TMEM232: variants seen among roughly 807,000 people sequenced by gnomAD.
The protein encoded by TMEM232 is transmembrane protein 232.
A neutral mutation model predicts 78.8 loss-of-function variants in TMEM232; 80 were observed. That is an observed-to-expected ratio of 1.01 (90% CI 0.85 to 1.22). The LOEUF (loss-of-function observed/expected upper bound fraction) is 1.22, where lower values mean the gene tolerates loss of function less well. TMEM232 is among the 50% of genes most tolerant of loss of function. The pLI is 0.00. For synonymous variants in TMEM232, 297 were observed against 254.3 expected (o/e 1.17, Z -1.60); for missense variants, 881 against 742.2 (o/e 1.19, Z -2.17).
At chr5:110,719,186 C>CATGTATAT (rs1191217794) in intron 1 of TMEM232, among the ~76,000 whole-genome samples, 3 of 150,976 alleles carry the variant, frequency 2.0e-5, no homozygotes, top group African/African-American at 7.3e-5. Context: ...TATGTATATA[C>CATGTATAT]ATGTATATAT....
chr5:110,563,001 G>A (rs1775925688), intron 11 of TMEM232, among the ~76,000 whole-genome samples: 1 of 151,942 alleles, frequency 6.6e-6, no homozygotes, highest in African/African-American at 2.4e-5. Flanking sequence ...GATATTCAAT[G>A]CAAATTAAAC....
chr5:110,519,265 C>T (rs766727734), intron 12 of TMEM232, among the ~76,000 whole-genome samples: 4 of 152,036 alleles, frequency 2.6e-5, no homozygotes, highest in Admixed American at 6.5e-5. Context: ...AGAATGTAGC[C>T]GTACATGTGC....
intron 10 of TMEM232, among the ~76,000 whole-genome samples, chr5:110,579,067 C>T (rs1173513798): frequency 6.6e-6 from 1 of 151,508 alleles, no homozygotes; most frequent in African/African-American, 2.4e-5. Flanking sequence ...TTCTAGATAT[C>T]AAAAGTATAG....
chr5:110,643,287 C>A (rs1266117175), intron 2 of TMEM232, among the ~76,000 whole-genome samples: 1 of 151,824 alleles, frequency 6.6e-6, no homozygotes, highest in Non-Finnish European at 1.5e-5. Flanking sequence ...TCATGGCCAT[C>A]CAAGTGGAGA....
chr5:110,619,018 A>T (rs971332230), intron 7 of TMEM232, among the ~76,000 whole-genome samples: 1 of 152,206 alleles, frequency 6.6e-6, no homozygotes, highest in Non-Finnish European at 1.5e-5. Context: ...AATGTCTGTT[A>T]AGTAACTGTT....
intron 10 of TMEM232, among the ~76,000 whole-genome samples, chr5:110,580,735 A>AT (rs112634921): frequency 0.31 from 46,739 of 150,796 alleles, 9,377 homozygotes; most frequent in African/African-American, 0.58. Flanking sequence ...AAACAGGATA[A>AT]TTTTTTTTTC....
intron 11 of TMEM232, among the ~76,000 whole-genome samples, chr5:110,537,269 G>C (rs996584532): frequency 6.7e-6 from 1 of 150,254 alleles, no homozygotes; most frequent in Non-Finnish European, 1.5e-5. Context: ...ATAATCTAAA[G>C]AGAAAACTTA....
intron 1 of TMEM232, among the ~76,000 whole-genome samples, chr5:110,737,798 A>G (rs1036961508): frequency 3.3e-5 from 5 of 152,164 alleles, no homozygotes; most frequent in African/African-American, 1.2e-4. Flanking sequence ...TTGCCTTTCA[A>G]TTGTGATTAC....
intron 12 of TMEM232, among the ~76,000 whole-genome samples, chr5:110,465,428 G>A (rs1761969718): frequency 6.6e-6 from 1 of 152,178 alleles, no homozygotes; most frequent in South Asian, 2.1e-4. Context: ...TACCAGCCCT[G>A]AACTCAGGCT....
At chr5:110,679,552 T>C (rs954866704) in intron 1 of TMEM232, among the ~76,000 whole-genome samples, 2 of 152,216 alleles carry the variant, frequency 1.3e-5, no homozygotes, top group East Asian at 3.9e-4. Flanking sequence ...CAATTTTTTT[T>C]CATAGAACAT....
At chr5:110,535,169 G>GT (rs1234131018) in intron 11 of TMEM232, among the ~76,000 whole-genome samples, 1 of 152,090 alleles carries the variant, frequency 6.6e-6, no homozygotes, top group Non-Finnish European at 1.5e-5. Context: ...TGACCTGCCT[G>GT]TACACATCCA....
rs542616648 is a variant in TMEM232 at position 110,697,418 on chromosome 5, C to T, written c.-13+29209G>A. ...GACTTCATGTCTAAAACACCAAAAG[C>T]AATGGCAACAAAAGCCAAAATTGAC... On this transcript the variant is annotated intron_variant, in intron 1 of 13. Transcript: ENST00000455884. Among the ~76,000 whole-genome samples the T allele has an allele frequency of 3.3e-5, 5 of 152,286 alleles. No homozygotes were observed. The East Asian group carries it at 9.6e-4, about 29-fold the overall frequency.
chr5:110,493,716 G>A (rs1765351583), intron 12 of TMEM232, among the ~76,000 whole-genome samples: 1 of 151,938 alleles, frequency 6.6e-6, no homozygotes, highest in Admixed American at 6.6e-5. Flanking sequence ...AAGCTCTTGG[G>A]AAAAAGTACA....
At chr5:110,535,743 AATG>A (rs1772252622) in intron 11 of TMEM232, among the ~76,000 whole-genome samples, 1 of 152,184 alleles carries the variant, frequency 6.6e-6, no homozygotes, top group Admixed American at 6.5e-5. Flanking sequence ...GGACCAAAAA[AATG>A]ATGTCTTCTC....
intron 2 of TMEM232, among the ~76,000 whole-genome samples, chr5:110,654,316 T>G (rs1394003275): frequency 6.6e-6 from 1 of 152,240 alleles, no homozygotes; most frequent in Non-Finnish European, 1.5e-5. Context: ...CATCTTGAAT[T>G]AATTTTTATA....
intron 1 of TMEM232, among the ~76,000 whole-genome samples, chr5:110,669,545 C>T (rs1462262114): frequency 2.0e-5 from 3 of 152,150 alleles, no homozygotes; most frequent in African/African-American, 4.8e-5. Context: ...CAAATTCTAC[C>T]AGAGGTACAA....
At position 110,477,858 on chromosome 5, in the gene TMEM232, ATG is replaced by A. The variant is rs144970935; in HGVS notation, c.1703+50728_1703+50729del. ...GGGATTAATGTCTTCTACTCTGAAA[ATG>A]TAAGTTTTGCCTTTGGCTTGGTATT... On this transcript the variant is annotated intron_variant, in intron 12 of 13. Coordinates refer to ENST00000455884, the MANE Select transcript of TMEM232 (RefSeq NM_001039763.4). Among the ~76,000 whole-genome samples the A allele has an allele frequency of 9.5e-3, 1,440 of 152,074 alleles. 36 individuals are homozygous for A. The highest frequency in any genetic ancestry group is 0.032 in the African/African-American group (1,336 of 41,554).
chr5:110,538,599 AC>A (rs200178962), intron 11 of TMEM232, among the ~76,000 whole-genome samples: 2,185 of 152,310 alleles, frequency 0.014, 30 homozygotes, highest in Non-Finnish European at 0.02. Flanking sequence ...ATGTGAGGGC[AC>A]CAGTTACAAA....
intron 12 of TMEM232, among the ~76,000 whole-genome samples, chr5:110,475,292 CTG>C (rs1348623911): frequency 6.6e-6 from 1 of 151,842 alleles, no homozygotes; most frequent in Non-Finnish European, 1.5e-5. Flanking sequence ...GTGAAAGTAA[CTG>C]AGGCTGGATG....
Sources: gnomAD v4.1 joint callset for allele counts (sites outside exome capture counted in the v4.1 genomes callset) on GRCh38, gnomAD v4.1.1 for gene constraint, MANE v1.5 for transcripts, NCBI Gene and HGNC (gene_info 2026-07-23, HGNC 2026-07-21) for gene names.